The following CSMD1 variants were observed in gnomAD, a reference collection of about 807,000 sequenced individuals.
CSMD1 encodes CUB and sushi domain-containing protein 1.
In CSMD1, 213 loss-of-function variants were observed where a neutral mutation model predicts 417.5. The ratio of observed to expected loss-of-function variants is 0.51; its 90% CI spans 0.46 to 0.57. The LOEUF is 0.57. Among genes scored for constraint, CSMD1 ranks in the 20% least tolerant of loss-of-function variants. The pLI is 0.00. For synonymous variants in CSMD1, 2,862 were observed against 1,736.8 expected (o/e 1.65, Z -16.11); for missense variants, 6,923 against 4,529.7 (o/e 1.53, Z -15.17).
chr8:3,569,183 A>C (rs1252279701), intron 10 of CSMD1, among the ~76,000 whole-genome samples: 1 of 152,140 alleles, frequency 6.6e-6, no homozygotes, highest in Non-Finnish European at 1.5e-5. Flanking sequence ...TCATTTTATA[A>C]CTTCCTGAAT....
chr8:4,188,343 G>A (rs1798806234), intron 3 of CSMD1, among the ~76,000 whole-genome samples: 1 of 152,104 alleles, frequency 6.6e-6, no homozygotes, highest in African/African-American at 2.4e-5. Flanking sequence ...GAAAGACAAT[G>A]CAAACCGAGG....
chr8:4,979,493 T>C (rs1205839801), intron 1 of CSMD1, among the ~76,000 whole-genome samples: 1 of 152,186 alleles, frequency 6.6e-6, no homozygotes, highest in Non-Finnish European at 1.5e-5. Context: ...GTGTGAAAGC[T>C]AAGGGAAATT....
chr8:4,788,117 A>C, intron 1 of CSMD1: 1 of 1,603,268 alleles, frequency 6.2e-7, no homozygotes, highest in South Asian at 1.1e-5. Context: ...GCAGGGTTGT[A>C]GTGTTGATGG....
intron 2 of CSMD1, among the ~76,000 whole-genome samples, chr8:4,552,919 T>C (rs1563280341): frequency 6.6e-6 from 1 of 152,230 alleles, no homozygotes; most frequent in Non-Finnish European, 1.5e-5. Context: ...GGCAAGTTCC[T>C]ATTCCCCAGA....
At chr8:3,864,004 G>A (rs1295193237) in intron 5 of CSMD1, among the ~76,000 whole-genome samples, 2 of 152,018 alleles carry the variant, frequency 1.3e-5, no homozygotes, top group East Asian at 1.9e-4. Context: ...AATTCATAAG[G>A]CAGAAACAAA....
chr8:3,875,810 T>C (rs1003070650), intron 5 of CSMD1, among the ~76,000 whole-genome samples: 4 of 152,154 alleles, frequency 2.6e-5, no homozygotes, highest in Admixed American at 2.6e-4. Flanking sequence ...CAAAAACAGC[T>C]GAGAGCTTGA....
At chr8:4,345,705 G>A (rs1200778575) in intron 3 of CSMD1, among the ~76,000 whole-genome samples, 1 of 151,970 alleles carries the variant, frequency 6.6e-6, no homozygotes, top group African/African-American at 2.4e-5. Context: ...TTTTTAAAAA[G>A]GCTCAACGTC....
At chr8:3,053,729 A>T (rs1020432949) in intron 49 of CSMD1, among the ~76,000 whole-genome samples, 2 of 152,152 alleles carry the variant, frequency 1.3e-5, no homozygotes, top group Non-Finnish European at 2.9e-5. Flanking sequence ...ACAAGAAAAA[A>T]ATTCTCAAAC....
At chr8:4,166,999 G>C (rs978534043) in intron 3 of CSMD1, among the ~76,000 whole-genome samples, 1 of 152,128 alleles carries the variant, frequency 6.6e-6, no homozygotes, top group African/African-American at 2.4e-5. Flanking sequence ...CCCTGTGCTG[G>C]GTGTTTGTGA....
intron 43 of CSMD1, among the ~76,000 whole-genome samples, chr8:3,108,999 T>A (rs1257116843): frequency 1.3e-5 from 2 of 152,192 alleles, no homozygotes; most frequent in Admixed American, 1.3e-4. Flanking sequence ...TGCTGGTGGC[T>A]CATGCCTGTC....
intron 11 of CSMD1, among the ~76,000 whole-genome samples, chr8:3,493,211 T>G (rs140388828): frequency 6.7e-6 from 1 of 150,082 alleles, no homozygotes; most frequent in Non-Finnish European, 1.5e-5. Flanking sequence ...GGTGAATTGC[T>G]TGAACCCGGG....
chr8:4,375,001 A>G (rs1284205130), intron 3 of CSMD1, among the ~76,000 whole-genome samples: 4 of 148,460 alleles, frequency 2.7e-5, no homozygotes, highest in Non-Finnish European at 4.5e-5. Context: ...GCAAGGAGCA[A>G]TAGTGGGGAC....
intron 6 of CSMD1, among the ~76,000 whole-genome samples, chr8:3,708,734 C>G (rs2129040008): frequency 1.3e-5 from 2 of 152,274 alleles, no homozygotes; most frequent in South Asian, 4.1e-4. Flanking sequence ...ATAATACGTG[C>G]TGCCACTGAC....
chr8:3,415,851 T>G (rs893316527), intron 12 of CSMD1, among the ~76,000 whole-genome samples: 2 of 152,218 alleles, frequency 1.3e-5, no homozygotes, highest in African/African-American at 4.8e-5. Flanking sequence ...GGATCTATGT[T>G]GTTTAGAAAC....
At chr8:4,192,253 A>C (rs1268228980) in intron 3 of CSMD1, among the ~76,000 whole-genome samples, 1 of 152,328 alleles carries the variant, frequency 6.6e-6, no homozygotes, top group Middle Eastern at 3.4e-3. Flanking sequence ...CGTTAGGATT[A>C]TAAATTAGAT....
At position 4,435,118 on chromosome 8, in the gene CSMD1, A is replaced by C. The variant is rs13268412; in HGVS notation, c.303-15053T>G. Among the ~76,000 whole-genome samples, 653 of 152,184 alleles carry C rather than the reference A, an allele frequency of 4.3e-3. 40 individuals carry two copies. In the East Asian group the frequency reaches 0.11, roughly 27 times the overall value. On this transcript the variant is annotated intron_variant, in intron 2 of 69. Transcript: ENST00000635120. ...TAACAGTAGATGCTAAAAATAAGGAAAAACTGTATTTTAAAGTATCAGTAA... is the reference window on the plus strand; with the variant it reads ...TAACAGTAGATGCTAAAAATAAGGACAAACTGTATTTTAAAGTATCAGTAA...
chr8:4,635,577 G>T (rs1284571164), intron 2 of CSMD1, among the ~76,000 whole-genome samples: 1 of 152,066 alleles, frequency 6.6e-6, no homozygotes, highest in African/African-American at 2.4e-5. Context: ...TAATGGAAAG[G>T]TAAAGTCATA....
chr8:4,103,136 T>C (rs1423963755), intron 3 of CSMD1, among the ~76,000 whole-genome samples: 2 of 152,166 alleles, frequency 1.3e-5, no homozygotes, highest in African/African-American at 4.8e-5. Context: ...TTAACAGTTA[T>C]TTTGCAAAGT....
chr8:3,533,870 A>C (rs1798081380), intron 10 of CSMD1, among the ~76,000 whole-genome samples: 2 of 152,242 alleles, frequency 1.3e-5, no homozygotes, highest in African/African-American at 4.8e-5. Context: ...AGGTATCTAC[A>C]ATCGAAATCT....
Sources: allele counts gnomAD v4.1 joint callset (sites outside exome capture counted in the v4.1 genomes callset), GRCh38; gene constraint gnomAD v4.1.1; transcripts MANE v1.5; gene names NCBI Gene and HGNC (gene_info 2026-07-23, HGNC 2026-07-21).